Variants in GPR149 observed in about 807,000 individuals in gnomAD.
The protein encoded by GPR149 is probable G protein-coupled receptor 149.
In GPR149, 50 loss-of-function variants were observed where a neutral mutation model predicts 50.2. The observed-to-expected ratio is 1.00, with a 90% CI of 0.79 to 1.26. The LOEUF is 1.26. GPR149 is among the 50% of genes most tolerant of loss of function. The pLI, the probability that GPR149 is intolerant of heterozygous loss-of-function variation, is 0.00. For synonymous variants in GPR149, 405 were observed against 358.2 expected, an observed-to-expected ratio of 1.13 and a Z score of -1.48; for missense variants, 983 against 895.4, an observed-to-expected ratio of 1.10 and a Z score of -1.25.
chr3:154,380,219 A>G (rs1374048225), intron 3 of GPR149, among the ~76,000 whole-genome samples: 1 of 146,342 alleles, frequency 6.8e-6, no homozygotes, highest in South Asian at 2.2e-4. Flanking sequence ...AGAATTTTCC[A>G]TTGGCTAAAC....
intron 3 of GPR149, among the ~76,000 whole-genome samples, chr3:154,390,829 T>C (rs1027964151): frequency 2.0e-5 from 3 of 152,008 alleles, no homozygotes; most frequent in Non-Finnish European, 2.9e-5. Flanking sequence ...GAAAAGTGAC[T>C]CATTCCATAC....
At chr3:154,362,288 CAAAAAA>C (rs34401689) in intron 3 of GPR149, among the ~76,000 whole-genome samples, 1 of 94,600 alleles carries the variant, frequency 1.1e-5, no homozygotes, top group Non-Finnish European at 1.9e-5. Flanking sequence ...GACTCCGTCT[CAAAAAA>C]AAAAAAAAAA....
chr3:154,397,406 T>C lies in GPR149; in HGVS notation c.1623+23633A>G, dbSNP rs561544974. On this transcript the variant is annotated intron_variant, in intron 3 of 3. Coordinates refer to ENST00000389740, the MANE Select transcript of GPR149 (RefSeq NM_001038705.3). ...CTTAAAGAATGGATTATGTCAGGAG[T>C]GTGCTAGAGTTGGCTCAAACTGGCT... Among the ~76,000 whole-genome samples the C allele has an allele frequency of 2.0e-5, 3 of 152,296 alleles. No individual in the cohort carries two copies. The South Asian group carries it at 6.2e-4, about 32-fold the overall frequency.
chr3:154,386,620 T>C (rs1247885402), intron 3 of GPR149, among the ~76,000 whole-genome samples: 4 of 152,198 alleles, frequency 2.6e-5, no homozygotes, highest in Non-Finnish European at 5.9e-5. Flanking sequence ...CCTCAGGAGA[T>C]ATCACCTTCT....
chr3:154,372,846 T>C, intron 3 of GPR149, among the ~76,000 whole-genome samples: 1 of 152,118 alleles, frequency 6.6e-6, no homozygotes, highest in Non-Finnish European at 1.5e-5. Context: ...AACTGAATGA[T>C]GATGGTATTA....
chr3:154,374,831 G>C (rs1714755284), intron 3 of GPR149, among the ~76,000 whole-genome samples: 1 of 152,110 alleles, frequency 6.6e-6, no homozygotes, highest in Non-Finnish European at 1.5e-5. Flanking sequence ...CACTTGAAAT[G>C]GGCTAAGCAA....
rs1264069933 is a variant in GPR149, at chr3:154,337,973, C to T, written c.1922G>A (p.Ser641Asn). Residue 641 changes from serine to asparagine, a missense_variant, in exon 4 of 4, where the codon AGT becomes AAT. Coordinates refer to ENST00000389740, the MANE Select transcript of GPR149 (RefSeq NM_001038705.3). ...LDTVSIISNI[S>N]QSSTQVRSPS... The stretch of plus-strand genomic sequence containing the variant: ...AGATCTGACTTGTGTGGAGGACTGA[C>T]TGATGTTACTAATGATTGACACAGT... 6.2e-7 allele frequency: 1 copy of T among 1,614,074 alleles called. No individual in the cohort carries two copies. The highest frequency in any genetic ancestry group is 8.5e-7 in the Non-Finnish European group (1 of 1,179,984).
chr3:154,385,535 G>A (rs542240226), intron 3 of GPR149, among the ~76,000 whole-genome samples: 2 of 151,992 alleles, frequency 1.3e-5, no homozygotes, highest in Non-Finnish European at 2.9e-5. Flanking sequence ...TGTTGATTAG[G>A]CTTTTTACCA....
At chr3:154,354,688 T>A in intron 3 of GPR149, 1 of 395,770 alleles carries the variant, frequency 2.5e-6, no homozygotes, top group Non-Finnish European at 4.4e-6. Context: ...GCAAAGAGTA[T>A]AGTACAAATT....
chr3:154,395,450 G>GTATA (rs58944835), intron 3 of GPR149, among the ~76,000 whole-genome samples: 2,067 of 145,696 alleles, frequency 0.014, 46 homozygotes, highest in African/African-American at 0.047. Flanking sequence ...ATATATATAA[G>GTATA]TATATATATA....
rs61087162 is a variant in GPR149 at position 154,426,871 on chromosome 3, C to CGTGTGT, written c.1174+639_1174+644dup. 1.3e-4 allele frequency among the ~76,000 whole-genome samples: 19 copies of CGTGTGT among 144,536 alleles called. No individual in the cohort carries two copies. In the East Asian group the frequency reaches 1.5e-3, roughly 11 times the overall value. The allele number at this position is 144,536 out of a possible 152,430, so 94.8% of individuals were successfully genotyped here. On this transcript the variant is annotated intron_variant, in intron 2 of 3. Transcript: ENST00000389740. ...GTTTGTTTTTATGTTTGGACCAGGG[C>CGTGTGT]GTGTGTGTGTGTGTGTGTGTGTGTG...
chr3:154,421,862 ATAT>A (rs1158096211), intron 2 of GPR149, among the ~76,000 whole-genome samples: 2 of 151,746 alleles, frequency 1.3e-5, no homozygotes, highest in African/African-American at 2.4e-5. Flanking sequence ...GGGATAAGAG[ATAT>A]TATTTATAAA....
chr3:154,411,741 C>T (rs371468972), intron 3 of GPR149, among the ~76,000 whole-genome samples: 97 of 152,086 alleles, frequency 6.4e-4, no homozygotes, highest in East Asian at 5.0e-3. Flanking sequence ...CAGGACCAGA[C>T]GAATTCACAA....
intron 3 of GPR149, among the ~76,000 whole-genome samples, chr3:154,418,814 A>G (rs1417478970): frequency 6.6e-6 from 1 of 151,840 alleles, no homozygotes; most frequent in Non-Finnish European, 1.5e-5. Context: ...TTAAAGTATA[A>G]TAATAATAAT....
At chr3:154,362,332 G>A (rs989053280) in intron 3 of GPR149, among the ~76,000 whole-genome samples, 2 of 150,210 alleles carry the variant, frequency 1.3e-5, no homozygotes, top group Non-Finnish European at 3.0e-5. Flanking sequence ...GATGTCACAT[G>A]GAGCAAACAC....
At position 154,429,132 on chromosome 3, in the gene GPR149, G is replaced by A; in HGVS notation, c.484C>T (p.Leu162=). 4 of 1,613,660 alleles carry A rather than the reference G, an allele frequency of 2.5e-6. No individual in the cohort carries two copies. The highest frequency in any genetic ancestry group is 3.4e-6 in the Non-Finnish European group (4 of 1,179,936). ...GVVLTVWAAS[L]LLSALPLCGW... is the part of the protein sequence containing the mutation. Reference sequence around the variant, plus strand: ...CACAGCGGGAGCGCCGAGAGCAGCAGACTGGCTGCCCACACGGTCAGCACC... The same window carrying A: ...CACAGCGGGAGCGCCGAGAGCAGCAAACTGGCTGCCCACACGGTCAGCACC... Residue 162 remains leucine (L), a synonymous_variant, in exon 1 of 4, where the codon CTG becomes TTG. Coordinates refer to ENST00000389740, the MANE Select transcript of GPR149 (RefSeq NM_001038705.3).
intron 3 of GPR149, among the ~76,000 whole-genome samples, chr3:154,345,165 A>T (rs1713893647): frequency 6.6e-6 from 1 of 152,178 alleles, no homozygotes; most frequent in Non-Finnish European, 1.5e-5. Flanking sequence ...GTGTGCATAA[A>T]TTGGCAACAC....
intron 3 of GPR149, among the ~76,000 whole-genome samples, chr3:154,387,156 GT>G (rs1559981963): frequency 6.6e-6 from 1 of 152,184 alleles, no homozygotes; most frequent in African/African-American, 2.4e-5. Context: ...GCTTATGGGT[GT>G]TGAGCACACT....
chr3:154,404,424 T>A (rs1453506718), intron 3 of GPR149, among the ~76,000 whole-genome samples: 3 of 152,248 alleles, frequency 2.0e-5, no homozygotes, highest in African/African-American at 7.2e-5. Flanking sequence ...TTCTCTGTTA[T>A]ATATTTTTCA....
Sources: allele counts gnomAD v4.1 joint callset (sites outside exome capture counted in the v4.1 genomes callset), GRCh38; gene constraint gnomAD v4.1.1; transcripts MANE v1.5; gene names NCBI Gene and HGNC (gene_info 2026-07-23, HGNC 2026-07-21).